The following CTNNA2 variants were observed in gnomAD, a reference collection of about 807,000 sequenced individuals.
The protein encoded by CTNNA2 is catenin alpha-2.
Under a neutral mutation model 101.0 loss-of-function variants are expected in CTNNA2, and 42 were observed. That is an observed-to-expected ratio of 0.42 (90% CI 0.32 to 0.54). The LOEUF (loss-of-function observed/expected upper bound fraction) is 0.54. Among genes scored for constraint, CTNNA2 ranks in the 20% least tolerant of loss-of-function variants. The pLI, the probability that CTNNA2 is intolerant of heterozygous loss-of-function variation, is 0.14. For missense variants in CTNNA2, 871 were observed against 1,223.1 expected (o/e 0.71, Z 4.29); for synonymous variants, 450 against 456.4 (o/e 0.99, Z 0.18).
chr2:79,757,879 T>G lies in CTNNA2; in HGVS notation c.298+13297T>G, dbSNP rs150482199. On this transcript the variant is annotated intron_variant, in intron 3 of 18. Coordinates refer to ENST00000402739, the MANE Select transcript of CTNNA2 (RefSeq NM_001282597.3). ...TTGCTATGCAGAGCAGATGATAGGA[T>G]GCATGTAAAGTACTTAGCAACAGAC... Among the ~76,000 whole-genome samples, 898 of 152,318 alleles carry G rather than the reference T, an allele frequency of 5.9e-3. 7 individuals carry two copies. The highest frequency in any genetic ancestry group is 0.02 in the African/African-American group (842 of 41,578).
rs1217365517 is a variant in CTNNA2 at position 79,874,019 on chromosome 2, C to T, written c.586-57C>T. On this transcript the variant is annotated intron_variant, in intron 5 of 18. Transcript: ENST00000402739. The stretch of plus-strand genomic sequence containing the variant: ...GAGTCTGTGACTCCAAACTGTGTTG[C>T]AAATATTTCTATGCAAATTTCATGT... 3 of 1,593,626 alleles carry T rather than the reference C, an allele frequency of 1.9e-6. No individual in the cohort carries two copies. In the African/African-American group the frequency reaches 4.0e-5, roughly 21 times the overall value.
intron 17 of CTNNA2, among the ~76,000 whole-genome samples, chr2:80,617,983 A>G (rs770452833): frequency 2.0e-5 from 3 of 151,838 alleles, no homozygotes; most frequent in Admixed American, 6.6e-5. Flanking sequence ...GTATTCCACT[A>G]GTCAGATGAA....
At chr2:79,319,575 G>A (rs1163439433) in intron 3 of CTNNA2, 1 of 149,782 alleles carries the variant, frequency 6.7e-6, no homozygotes, top group East Asian at 2.0e-4. Flanking sequence ...AAAAAAAGCA[G>A]TGACTGAGCT....
intron 3 of CTNNA2, among the ~76,000 whole-genome samples, chr2:79,790,489 G>C (rs1675186719): frequency 6.6e-6 from 1 of 152,042 alleles, no homozygotes; most frequent in South Asian, 2.1e-4. Flanking sequence ...GGATTTGAGG[G>C]CTATATACTA....
In CTNNA2 at chr2:80,640,451, T is replaced by C. The variant is rs960411904; in HGVS notation, c.2575-7134T>C. On this transcript the variant is annotated intron_variant, in intron 18 of 18. Transcript: ENST00000402739. ...AAGGAAATGTCTTTCTGTGAACATA[T>C]AAACATTCTGAGATAACTTAAGTGG... is the stretch of plus-strand genomic sequence containing the variant. 3.9e-5 allele frequency among the ~76,000 whole-genome samples: 6 copies of C among 152,180 alleles called. No individual in the cohort carries two copies. In the East Asian group the frequency reaches 1.2e-3, roughly 29 times the overall value.
intron 2 of CTNNA2, among the ~76,000 whole-genome samples, chr2:79,260,785 A>G (rs1406465201): frequency 6.6e-6 from 1 of 152,058 alleles, no homozygotes; most frequent in Non-Finnish European, 1.5e-5. Context: ...TCACAGGCTG[A>G]CCTCCAATTC....
Position 80,420,034 on chromosome 2 carries a change from GAAAAAAAAAAAA to G in CTNNA2, c.1290+451_1290+462del, listed in dbSNP as rs527701227. On this transcript the variant is annotated intron_variant, in intron 9 of 18. Coordinates refer to ENST00000402739, the MANE Select transcript of CTNNA2 (RefSeq NM_001282597.3). ...GATGCTGTCCACACTGGGAACTTGT[GAAAAAAAAAAAA>G]AAAAAAAAAAAAAAAAACCCACCTT... 1.1e-4 allele frequency among the ~76,000 whole-genome samples: 4 copies of G among 37,548 alleles called. 1 individual carries two copies. Among genetic ancestry groups the G allele is most frequent in the Middle Eastern group, 0.067 (2 of 30 alleles). 24.6% of individuals were successfully genotyped at this position (37,548 alleles called of 152,430 possible).
intron 9 of CTNNA2, among the ~76,000 whole-genome samples, chr2:80,490,278 C>T (rs527318234): frequency 0.023 from 1,317 of 56,494 alleles, 7 homozygotes; most frequent in Non-Finnish European, 0.026. Flanking sequence ...CCTTCCCCCC[C>T]CACCCCCCCC....
chr2:79,475,901 G>A (rs1414280376), intron 4 of CTNNA2, among the ~76,000 whole-genome samples: 5 of 152,078 alleles, frequency 3.3e-5, no homozygotes, highest in Non-Finnish European at 4.4e-5. Context: ...ATGAAGGGCA[G>A]TTGACCAACC....
intron 7 of CTNNA2, among the ~76,000 whole-genome samples, chr2:79,962,010 A>C (rs1249759171): frequency 6.6e-6 from 1 of 152,172 alleles, no homozygotes; most frequent in African/African-American, 2.4e-5. Context: ...GGGTGGCTAG[A>C]GTGGGAAGTA....
intron 7 of CTNNA2, among the ~76,000 whole-genome samples, chr2:80,326,540 C>T (rs933226907): frequency 6.6e-6 from 1 of 152,064 alleles, no homozygotes; most frequent in Non-Finnish European, 1.5e-5. Flanking sequence ...GTAAGTGGAT[C>T]CATCCCTCTG....
chr2:80,255,888 C>T (rs1167426633), intron 7 of CTNNA2, among the ~76,000 whole-genome samples: 1 of 152,106 alleles, frequency 6.6e-6, no homozygotes, highest in African/African-American at 2.4e-5. Context: ...AAATACAGGC[C>T]TATTTAGGAC....
chr2:80,428,657 C>T (rs573513131), intron 9 of CTNNA2, among the ~76,000 whole-genome samples: 17 of 152,136 alleles, frequency 1.1e-4, no homozygotes, highest in Admixed American at 2.0e-4. Flanking sequence ...GGTCCTAAAA[C>T]CCCTACACAA....
intron 3 of CTNNA2, among the ~76,000 whole-genome samples, chr2:79,764,797 A>C (rs1326336495): frequency 1.3e-5 from 2 of 152,192 alleles, no homozygotes; most frequent in African/African-American, 4.8e-5. Context: ...AGATAGACTA[A>C]AACTAGAATG....
chr2:80,431,296 C>T (rs575140220), intron 9 of CTNNA2, among the ~76,000 whole-genome samples: 2 of 152,200 alleles, frequency 1.3e-5, no homozygotes, highest in African/African-American at 4.8e-5. Context: ...CCTTAACAGA[C>T]AACATTGGGT....
intron 3 of CTNNA2, among the ~76,000 whole-genome samples, chr2:79,315,111 C>T (rs1324543144): frequency 6.6e-6 from 1 of 152,050 alleles, no homozygotes; most frequent in Non-Finnish European, 1.5e-5. Flanking sequence ...CTTGTTTTCT[C>T]TCTTCTTCTT....
intron 7 of CTNNA2, among the ~76,000 whole-genome samples, chr2:79,936,379 G>A (rs1687791782): frequency 6.6e-6 from 1 of 152,044 alleles, no homozygotes; most frequent in African/African-American, 2.4e-5. Flanking sequence ...AGGAGGAATG[G>A]TGAAAATCCC....
In CTNNA2 at chr2:80,396,428, G is replaced by T. The variant is rs149959682; in HGVS notation, c.1137+3137G>T. On this transcript the variant is annotated intron_variant, in intron 8 of 18. Transcript: ENST00000402739. ...AAGCTGTGGGCACAGCAGGCCCTGT[G>T]TCTGAGCTATTGTCACTGCTGTGAT... 3.2e-3 allele frequency among the ~76,000 whole-genome samples: 490 copies of T among 152,290 alleles called. 5 individuals carry two copies. The highest frequency in any genetic ancestry group is 3.4e-3 in the Middle Eastern group (1 of 292).
chr2:80,076,144 A>G (rs532376166), intron 7 of CTNNA2, among the ~76,000 whole-genome samples: 260 of 152,274 alleles, frequency 1.7e-3, no homozygotes, highest in African/African-American at 6.1e-3. Flanking sequence ...TCAAAAAGGA[A>G]ATCTACAAGT....
Sources: gnomAD v4.1 joint callset for allele counts (sites outside exome capture counted in the v4.1 genomes callset) on GRCh38, gnomAD v4.1.1 for gene constraint, MANE v1.5 for transcripts, NCBI Gene and HGNC (gene_info 2026-07-23, HGNC 2026-07-21) for gene names.